The following GPR176 variants were observed in gnomAD, a reference collection of about 807,000 sequenced individuals.
The protein encoded by GPR176 is G-protein coupled receptor 176.
A neutral mutation model predicts 35.4 loss-of-function variants in GPR176; 26 were observed. The observed-to-expected ratio is 0.74, with a 90% CI of 0.54 to 1.02. GPR176 has a LOEUF of 1.02. GPR176 is among the 50% of genes least tolerant of loss of function. GPR176 has a pLI of 0.00. For synonymous variants in GPR176, 278 were observed against 271.3 expected, an observed-to-expected ratio of 1.02 and a Z score of -0.24; for missense variants, 597 against 665.3, an observed-to-expected ratio of 0.90 and a Z score of 1.13.
At chr15:39,872,860 G>C (rs2032097013) in intron 1 of GPR176, among the ~76,000 whole-genome samples, 1 of 151,704 alleles carries the variant, frequency 6.6e-6, no homozygotes, top group African/African-American at 2.4e-5. Flanking sequence ...CTCCAGCATT[G>C]AGGATTACAA....
At position 39,920,180 on chromosome 15, in the gene GPR176, A is replaced by C; in HGVS notation, c.-154T>G. On this transcript the variant is annotated 5_prime_UTR_variant, in exon 1 of 3. Transcript: ENST00000561100. Reference sequence around the variant, plus strand: ...GTCCCCTCACGTCTCCACATCGCCAACCCCGGCGCCCGGGAGGCGGGGAGG... The same window carrying C: ...GTCCCCTCACGTCTCCACATCGCCACCCCCGGCGCCCGGGAGGCGGGGAGG... 2.2e-6 allele frequency: 1 copy of C among 450,072 alleles called. No individual in the cohort carries two copies. The highest frequency in any genetic ancestry group is 3.7e-6 in the Non-Finnish European group (1 of 272,972). The allele number at this position is 450,072 out of a possible 1,614,324, so 27.9% of individuals were successfully genotyped here.
intron 1 of GPR176, among the ~76,000 whole-genome samples, chr15:39,873,019 A>C (rs2032106895): frequency 6.6e-6 from 1 of 152,054 alleles, no homozygotes; most frequent in African/African-American, 2.4e-5. Context: ...AACTTTGGTA[A>C]CAGTAGGAGA....
At position 39,918,541 on chromosome 15, in the gene GPR176, A is replaced by T. The variant is rs915530091; in HGVS notation, c.172+1314T>A. 8.5e-5 allele frequency among the ~76,000 whole-genome samples: 13 copies of T among 152,336 alleles called. 1 individual carries two copies. The South Asian group carries it at 2.7e-3, about 32-fold the overall frequency. ...TCCAATAACCCACACTTTAAGTGTG[A>T]CAATACTCAGAATTTAACTCCCAAT... On this transcript the variant is annotated intron_variant, in intron 1 of 2. Transcript: ENST00000561100.
intron 1 of GPR176, chr15:39,814,890 C>T (rs948206578): frequency 2.0e-5 from 3 of 152,180 alleles, no homozygotes; most frequent in Non-Finnish European, 4.4e-5. Context: ...CCAGCTCTGT[C>T]ACTTACCAGC....
At chr15:39,816,476 G>T (rs1039812989) in intron 1 of GPR176, among the ~76,000 whole-genome samples, 1 of 152,056 alleles carries the variant, frequency 6.6e-6, no homozygotes, top group Non-Finnish European at 1.5e-5. Flanking sequence ...ACACAAACAT[G>T]ACATGCCTTA....
rs552988763 is a variant in GPR176, at chr15:39,908,925, G to A, written c.172+10930C>T. Among the ~76,000 whole-genome samples, 22 of 152,304 alleles carry A rather than the reference G, an allele frequency of 1.4e-4. No individual in the cohort carries two copies. In the East Asian group the frequency reaches 4.0e-3, roughly 28 times the overall value. On this transcript the variant is annotated intron_variant, in intron 1 of 2. Coordinates refer to ENST00000561100, the MANE Select transcript of GPR176 (RefSeq NM_007223.3). ...AAGCCTGAATCATGTGCTCACCCTT[G>A]TATCCCAGGGTGGGAGTGGGGCTAT... is the stretch of plus-strand genomic sequence containing the variant.
At chr15:39,913,768 C>T (rs139257520) in intron 1 of GPR176, among the ~76,000 whole-genome samples, 60 of 152,268 alleles carry the variant, frequency 3.9e-4, no homozygotes, top group East Asian at 3.1e-3. Flanking sequence ...TCGAGTTGGC[C>T]GGGCGCGGTG....
chr15:39,877,032 A>T (rs2032275418), intron 1 of GPR176, among the ~76,000 whole-genome samples: 1 of 152,170 alleles, frequency 6.6e-6, no homozygotes, highest in Admixed American at 6.5e-5. Context: ...TTGGCTGCCT[A>T]ATTTGTTCAA....
At chr15:39,905,416 G>C (rs2033392588) in intron 1 of GPR176, among the ~76,000 whole-genome samples, 1 of 140,600 alleles carries the variant, frequency 7.1e-6, no homozygotes, top group South Asian at 2.2e-4. Context: ...TTTGAGACTA[G>C]CTTAGGCAAT....
At chr15:39,809,640 T>C (rs1220267768) in intron 1 of GPR176, among the ~76,000 whole-genome samples, 4 of 152,196 alleles carry the variant, frequency 2.6e-5, no homozygotes, top group South Asian at 2.1e-4. Flanking sequence ...CAATTCCCTA[T>C]GTATTCCCAT....
chr15:39,874,946 G>A (rs140635344), intron 1 of GPR176, among the ~76,000 whole-genome samples: 12 of 152,348 alleles, frequency 7.9e-5, no homozygotes, highest in Admixed American at 7.8e-4. Context: ...GGGAGGCTGA[G>A]GCATGAGATC....
At chr15:39,839,499 A>C (rs1454511212) in intron 1 of GPR176, among the ~76,000 whole-genome samples, 1 of 152,228 alleles carries the variant, frequency 6.6e-6, no homozygotes, top group African/African-American at 2.4e-5. Context: ...AAAGGCTTAA[A>C]TGTTAGACCC....
At chr15:39,909,973 G>T in intron 1 of GPR176, 1 of 604,248 alleles carries the variant, frequency 1.7e-6, no homozygotes, top group Non-Finnish European at 2.1e-6. Flanking sequence ...TTTCATAGCT[G>T]TGTCTTCTTT....
chr15:39,913,555 AAG>A lies in GPR176; in HGVS notation c.172+6298_172+6299del, dbSNP rs1417232805. The stretch of plus-strand genomic sequence containing the variant: ...ATAAGACCCTGTCTCAAAAAAAAAA[AAG>A]AAAAAAGAAAGAAAGAAGGAAAGAA... On this transcript the variant is annotated intron_variant, in intron 1 of 2. Transcript: ENST00000561100. Among the ~76,000 whole-genome samples, 6 of 151,876 alleles carry A rather than the reference AAG, an allele frequency of 4.0e-5. No homozygotes were observed. The South Asian group carries it at 8.3e-4, about 21-fold the overall frequency.
intron 1 of GPR176, among the ~76,000 whole-genome samples, chr15:39,857,360 A>G (rs565993023): frequency 1.5e-4 from 23 of 152,344 alleles, no homozygotes; most frequent in African/African-American, 5.5e-4. Context: ...TGAGCCTGAA[A>G]GAAAACAAAA....
intron 1 of GPR176, chr15:39,860,815 C>T (rs2031539688): frequency 6.6e-6 from 1 of 152,150 alleles, no homozygotes; most frequent in African/African-American, 2.4e-5. Flanking sequence ...GATACTGATA[C>T]CTACCTGAAA....
chr15:39,858,258 A>AAC lies in GPR176; in HGVS notation c.173-51001_173-51000insGT, dbSNP rs780003000. Among the ~76,000 whole-genome samples, 4 of 152,330 alleles carry AAC rather than the reference A, an allele frequency of 2.6e-5. No individual in the cohort carries two copies. The East Asian group carries it at 7.7e-4, about 29-fold the overall frequency. ...TAGGAAGAGAAATTCTGTTAGAAAT[A>AAC]AAATCCAATATTGCACCAAGCATAA... On this transcript the variant is annotated intron_variant, in intron 1 of 2. Transcript: ENST00000561100.
At chr15:39,843,694 G>C (rs1040990917) in intron 1 of GPR176, among the ~76,000 whole-genome samples, 3 of 152,136 alleles carry the variant, frequency 2.0e-5, no homozygotes, top group African/African-American at 7.2e-5. Context: ...CTCTAGAATA[G>C]ATATTATTTT....
chr15:39,824,047 G>A (rs1404354269), intron 1 of GPR176, among the ~76,000 whole-genome samples: 1 of 152,182 alleles, frequency 6.6e-6, no homozygotes, highest in African/African-American at 2.4e-5. Context: ...GAATGGCCCG[G>A]TGCCATCCCC....
Sources: gnomAD v4.1 joint callset for allele counts (sites outside exome capture counted in the v4.1 genomes callset) on GRCh38, gnomAD v4.1.1 for gene constraint, MANE v1.5 for transcripts, NCBI Gene and HGNC (gene_info 2026-07-23, HGNC 2026-07-21) for gene names.